Variants in BCAP29 observed in about 807,000 individuals in gnomAD.
The protein encoded by BCAP29 is B cell receptor associated protein 29.
In BCAP29, 34 loss-of-function variants were observed where a neutral mutation model predicts 31.8. That is an observed-to-expected ratio of 1.07 (90% CI 0.81 to 1.42). BCAP29 has a LOEUF of 1.42. Among genes scored for constraint, BCAP29 ranks in the 40% most tolerant of loss-of-function variants. The probability of loss-of-function intolerance (pLI) is 0.00; values close to 1 mark genes in which losing one functional copy is unlikely to be tolerated. For synonymous variants in BCAP29, 104 were observed against 91.3 expected (o/e 1.14, Z -0.79); for missense variants, 314 against 269.2 (o/e 1.17, Z -1.16).
intron 6 of BCAP29, among the ~76,000 whole-genome samples, chr7:107,606,627 A>G (rs1209304336): frequency 1.3e-5 from 2 of 152,226 alleles, no homozygotes; most frequent in African/African-American, 4.8e-5. Flanking sequence ...TCTTAAATGT[A>G]GGGCATTGGG....
chr7:107,593,905 G>C, intron 3 of BCAP29, 50 bp from the exon 4 acceptor site: 1 of 1,534,060 alleles, frequency 6.5e-7, no homozygotes, highest in Non-Finnish European at 8.8e-7. Context: ...TTTTTAACAA[G>C]CTTATATTCG....
At chr7:107,615,629 T>C (rs1006336369) in intron 7 of BCAP29, 6 of 239,162 alleles carry the variant, frequency 2.5e-5, no homozygotes, top group African/African-American at 1.1e-4. Context: ...CCCAAGAAAA[T>C]AGTTGTTATA....
chr7:107,589,567 A>G (rs533143255), intron 3 of BCAP29, among the ~76,000 whole-genome samples: 2 of 152,314 alleles, frequency 1.3e-5, no homozygotes, highest in African/African-American at 4.8e-5. Context: ...GTAAATACAG[A>G]TGAAGCTTTG....
downstream of BCAP29, chr7:107,621,310 GA>G (rs1486675676): frequency 5.2e-6 from 1 of 191,248 alleles, no homozygotes; most frequent in Non-Finnish European, 1.1e-5. Flanking sequence ...AGTAATCTTG[GA>G]AATCCACTTA....
In BCAP29 at chr7:107,592,921, G is replaced by A. The variant is rs1809142197; in HGVS notation, c.194-1034G>A. Among the ~76,000 whole-genome samples, 3 of 152,214 alleles carry A rather than the reference G, an allele frequency of 2.0e-5. 1 individual carries two copies. In the South Asian group the frequency reaches 6.2e-4, roughly 32 times the overall value. On this transcript the variant is annotated intron_variant, in intron 3 of 7. Coordinates refer to ENST00000005259, the MANE Select transcript of BCAP29 (RefSeq NM_018844.4). ...GAAAGCAGATTGCTGGTCACCAGGA[G>A]CTGAGGGATGTGTATAGATTTTCTT...
chr7:107,584,843 C>G (rs1011630648), intron 3 of BCAP29, among the ~76,000 whole-genome samples: 6 of 152,104 alleles, frequency 3.9e-5, no homozygotes, highest in African/African-American at 1.4e-4. Context: ...GGTCAGCAAC[C>G]TATATAGCCT....
intron 3 of BCAP29, among the ~76,000 whole-genome samples, chr7:107,584,771 T>G (rs1275523224): frequency 6.6e-6 from 1 of 152,164 alleles, no homozygotes; most frequent in African/African-American, 2.4e-5. Context: ...TATGGAGTGA[T>G]TGTATAATAT....
At chr7:107,611,575 A>G (rs546828832) in intron 6 of BCAP29, among the ~76,000 whole-genome samples, 2 of 152,330 alleles carry the variant, frequency 1.3e-5, no homozygotes, top group Admixed American at 6.5e-5. Context: ...TACCACCACC[A>G]TGCATCATAT....
chr7:107,585,715 C>T (rs61115046), intron 3 of BCAP29, among the ~76,000 whole-genome samples: 18,344 of 152,070 alleles, frequency 0.12, 2,901 homozygotes, highest in African/African-American at 0.36. Context: ...CTTGGCCGGG[C>T]GCGGCGGCTC....
chr7:107,605,616 T>A (rs1251476866), intron 6 of BCAP29, among the ~76,000 whole-genome samples: 1 of 152,230 alleles, frequency 6.6e-6, no homozygotes, highest in Non-Finnish European at 1.5e-5. Flanking sequence ...GTGGTCTGTT[T>A]GAAGTCGATG....
chr7:107,596,114 A>G, intron 5 of BCAP29, 112 bp downstream of exon 5: 1 of 879,350 alleles, frequency 1.1e-6, no homozygotes, highest in Non-Finnish European at 1.6e-6. Flanking sequence ...GAAAATGACC[A>G]TAATTAACAA....
In BCAP29 at chr7:107,598,954, C is replaced by T. The variant is rs575485853; in HGVS notation, c.481-1443C>T. 2.3e-4 allele frequency among the ~76,000 whole-genome samples: 33 copies of T among 141,136 alleles called. No individual in the cohort carries two copies. The South Asian group carries it at 3.0e-3, about 13-fold the overall frequency. The allele number at this position is 141,136 out of a possible 152,430, so 92.6% of individuals were successfully genotyped here. A position where few individuals can be genotyped will look rare whatever the true frequency, so the allele number is the denominator to read the frequency against. ...ACACGCACGCACATATATGTGCACACGTGTATATATAAATTTATATATCTA... is the reference window on the plus strand; with the variant it reads ...ACACGCACGCACATATATGTGCACATGTGTATATATAAATTTATATATCTA... On this transcript the variant is annotated intron_variant, in intron 5 of 7. Transcript: ENST00000005259.
chr7:107,613,760 C>T, intron 7 of BCAP29: 1 of 1,594,376 alleles, frequency 6.3e-7, no homozygotes, highest in East Asian at 2.2e-5. Flanking sequence ...GGATGTTTGC[C>T]ATATTCATGC....
chr7:107,587,327 G>A (rs975751297), intron 3 of BCAP29: 4 of 151,990 alleles, frequency 2.6e-5, no homozygotes, highest in Admixed American at 6.6e-5. Context: ...TACCTTTTTA[G>A]TATACAGGTG....
intron 3 of BCAP29, among the ~76,000 whole-genome samples, chr7:107,591,747 A>C (rs1332654255): frequency 2.0e-5 from 3 of 151,714 alleles, no homozygotes; most frequent in African/African-American, 7.3e-5. Context: ...CTAACATTAC[A>C]CAGCATAAAC....
intron 6 of BCAP29, among the ~76,000 whole-genome samples, chr7:107,606,116 G>A (rs1195450755): frequency 6.6e-6 from 1 of 152,190 alleles, no homozygotes; most frequent in African/African-American, 2.4e-5. Context: ...TTAATTGGCT[G>A]TATTCCAACT....
At chr7:107,617,444 C>G (rs897445020) in intron 7 of BCAP29, among the ~76,000 whole-genome samples, 1 of 152,066 alleles carries the variant, frequency 6.6e-6, no homozygotes, top group African/African-American at 2.4e-5. Flanking sequence ...ACATGTAGTC[C>G]TTTCCTTATT....
chr7:107,607,635 CTTTTTTT>C (rs57817003), intron 6 of BCAP29, among the ~76,000 whole-genome samples: 8 of 132,640 alleles, frequency 6.0e-5, no homozygotes, highest in East Asian at 2.2e-4. Flanking sequence ...CTTTCTTTTT[CTTTTTTT>C]TTTTTTTTTT....
chr7:107,583,686 G>A (rs1489132773), intron 2 of BCAP29, among the ~76,000 whole-genome samples, 196 bp from the exon 3 acceptor site: 2 of 151,930 alleles, frequency 1.3e-5, no homozygotes, highest in African/African-American at 4.8e-5. Flanking sequence ...CAAATATCAG[G>A]TTATTATTAA....
Sources: gnomAD v4.1 joint callset for allele counts (sites outside exome capture counted in the v4.1 genomes callset) on GRCh38, gnomAD v4.1.1 for gene constraint, MANE v1.5 for transcripts, NCBI Gene and HGNC (gene_info 2026-07-23, HGNC 2026-07-21) for gene names.